MYOM3: variants seen among roughly 807,000 people sequenced by gnomAD.
The protein encoded by MYOM3 is myomesin-3.
In MYOM3, 155 loss-of-function variants were observed where a neutral mutation model predicts 191.7. The ratio of observed to expected loss-of-function variants is 0.81; its 90% CI spans 0.71 to 0.92. MYOM3 has a LOEUF of 0.92. Ranked by LOEUF, MYOM3 falls within the 40% of genes least tolerant of loss-of-function variation. MYOM3 has a pLI of 0.00. For missense variants in MYOM3, 1,889 were observed against 1,890.6 expected, an observed-to-expected ratio of 1.00 and a Z score of 0.02; for synonymous variants, 757 against 762.9, an observed-to-expected ratio of 0.99 and a Z score of 0.13.
At chr1:24,093,248 G>T in intron 9 of MYOM3, 140 bp from the exon 10 acceptor site, 1 of 631,318 alleles carries the variant, frequency 1.6e-6, no homozygotes, top group Non-Finnish European at 2.8e-6. Flanking sequence ...TTGGGTGGGG[G>T]TGGTGGCCTC....
chr1:24,111,648 G>T lies in MYOM3; in HGVS notation c.-19+383C>A, dbSNP rs1380896370. ...GGCCAAGCCGGGCTCAGCCAGCTCC[G>T]CTCTAAGTTCGTGGAACTTGCCAGC... On this transcript the variant is annotated intron_variant, in intron 1 of 36. Coordinates refer to ENST00000374434, the MANE Select transcript of MYOM3 (RefSeq NM_152372.4). The surrounding 1 kb of genome is among the most constrained non-coding windows in gnomAD (Gnocchi z 4.7). Among the ~76,000 whole-genome samples the T allele has an allele frequency of 6.6e-6, 1 of 152,076 alleles. No homozygotes were observed. The highest frequency in any genetic ancestry group is 2.4e-5 in the African/African-American group (1 of 41,398).
chr1:24,068,082 A>G (rs1643475538), intron 26 of MYOM3, 53 bp from the exon 27 acceptor site: 17 of 1,601,938 alleles, frequency 1.1e-5, no homozygotes, highest in Non-Finnish European at 1.5e-5. Context: ...GTGGGTCTGG[A>G]GAGGGGACAT....
rs201323682 is a variant in MYOM3 at position 24,090,898 on chromosome 1, C to T, written c.1331G>A (p.Arg444Gln). 2.4e-4 allele frequency: 381 copies of T among 1,614,054 alleles called. 1 individual carries two copies. In the African/African-American group the frequency reaches 3.0e-3, roughly 13 times the overall value. ...IQGLVEGQSY[R>Q]FRVRAISRVG... ...CCTGCTGATGGCTCTCACCCGGAAC[C>T]GATAGCTCTGACCTTCGACGAGGCC... is the stretch of plus-strand genomic sequence containing the variant. Residue 444 changes from arginine to glutamine, a missense_variant, in exon 12 of 37, where the codon CGG becomes CAG. Coordinates refer to ENST00000374434, the MANE Select transcript of MYOM3 (RefSeq NM_152372.4).
intron 21 of MYOM3, among the ~76,000 whole-genome samples, chr1:24,075,929 G>C (rs1392348731): frequency 6.6e-6 from 1 of 152,214 alleles, no homozygotes; most frequent in Non-Finnish European, 1.5e-5. Flanking sequence ...AGTTGGGAGA[G>C]GTGAGTGATT....
intron 18 of MYOM3, chr1:24,081,737 AT>A: frequency 1.7e-6 from 1 of 584,960 alleles, no homozygotes. Flanking sequence ...TAATTTTTGT[AT>A]TTTTTGTCAA....
chr1:24,090,954 G>T lies in MYOM3; in HGVS notation c.1275C>A (p.Ala425=). The part of the protein sequence containing the change: ...ESGEWIACHE[A]PGGTCRCPIQ... ...TTGGGCACCGACAAGTCCCTCCGGGGGCCTCATGGCAGGCGATCCATTCCC... is the reference window on the plus strand; with the variant it reads ...TTGGGCACCGACAAGTCCCTCCGGGTGCCTCATGGCAGGCGATCCATTCCC... The change falls in exon 12 of 37, where the codon GCC becomes GCA. Residue 425 remains alanine (A), a synonymous_variant. Transcript: ENST00000374434. 1 of 1,614,008 alleles carries T rather than the reference G, an allele frequency of 6.2e-7. No homozygotes were observed. The highest frequency in any genetic ancestry group is 1.3e-5 in the African/African-American group (1 of 75,008).
chr1:24,057,938 T>C (rs111742633), intron 36 of MYOM3, among the ~76,000 whole-genome samples: 7,371 of 152,086 alleles, frequency 0.048, 631 homozygotes, highest in African/African-American at 0.17. Context: ...TCCTGAGTAG[T>C]TGGGGTTACA....
rs1302831678 is a variant in MYOM3, at chr1:24,092,934, C to A, written c.1090+13G>T. The A allele has an allele frequency of 6.5e-7, 1 of 1,539,428 alleles. No individual in the cohort carries two copies. Among genetic ancestry groups the A allele is most frequent in the South Asian group, 1.2e-5 (1 of 81,948 alleles). ...GGCTCCTGCTGCTACCCTGCGCCCACCCATGCCCTCACCTCTCACAAGCAC... is the reference window on the plus strand; with the variant it reads ...GGCTCCTGCTGCTACCCTGCGCCCAACCATGCCCTCACCTCTCACAAGCAC... On this transcript the variant is annotated intron_variant, in intron 10 of 36. Coordinates refer to ENST00000374434, the MANE Select transcript of MYOM3 (RefSeq NM_152372.4).
At chr1:24,061,340 A>G in intron 33 of MYOM3, 31 bp from the exon 34 acceptor site, 1 of 1,611,808 alleles carries the variant, frequency 6.2e-7, no homozygotes, top group Non-Finnish European at 8.5e-7. Flanking sequence ...AATGGGGGCC[A>G]TCAGGGCCTC....
At chr1:24,082,868 T>A in intron 16 of MYOM3, 154 bp from the exon 17 acceptor site, 1 of 852,522 alleles carries the variant, frequency 1.2e-6, no homozygotes, top group Non-Finnish European at 1.7e-6. Flanking sequence ...CTTGATCCCA[T>A]GGCAATGCCT....
In MYOM3 at chr1:24,090,101, C is replaced by T. The variant is rs1384190386; in HGVS notation, c.1450G>A (p.Gly484Arg). ...RRKTEIPFDL[G>R]NKITISTDAF... ...TCTGTGCTGATGGTGATCTTGTTTC[C>T]CAGATCAAAGGGGATCTCTAGGATG... Residue 484 changes from glycine (G) to arginine (R), a missense_variant, in exon 13 of 37, where the codon GGA becomes AGA. Coordinates refer to ENST00000374434, the MANE Select transcript of MYOM3 (RefSeq NM_152372.4). The T allele has an allele frequency of 1.2e-6, 2 of 1,614,054 alleles. No individual in the cohort carries two copies. The highest frequency in any genetic ancestry group is 1.7e-6 in the Non-Finnish European group (2 of 1,179,952).
chr1:24,063,561 G>A lies in MYOM3; in HGVS notation c.3623-31C>T, dbSNP rs1369995354. ...GGGAAACAGAGAGAAGGGTTAGCTGGCATAGGGCTCCCCTAGGGATGTGCT... is the reference window on the plus strand; with the variant it reads ...GGGAAACAGAGAGAAGGGTTAGCTGACATAGGGCTCCCCTAGGGATGTGCT... On this transcript the variant is annotated intron_variant, in intron 30 of 36. Coordinates refer to ENST00000374434, the MANE Select transcript of MYOM3 (RefSeq NM_152372.4). This position sits in a 1 kb window ranked among gnomAD's most constrained non-coding sequence, Gnocchi z 4.5. 3 of 1,613,752 alleles carry A rather than the reference G, an allele frequency of 1.9e-6. No individual in the cohort carries two copies. The South Asian group carries it at 3.3e-5, about 18-fold the overall frequency.
intron 20 of MYOM3, among the ~76,000 whole-genome samples, chr1:24,077,781 A>C (rs1246637355): frequency 6.6e-6 from 1 of 152,152 alleles, no homozygotes; most frequent in Non-Finnish European, 1.5e-5. Flanking sequence ...CCAACTGTCC[A>C]CATGCAGAAG....
intron 8 of MYOM3, 91 bp downstream of exon 8, chr1:24,095,351 G>T: frequency 8.1e-7 from 1 of 1,240,946 alleles, no homozygotes; most frequent in Non-Finnish European, 1.2e-6. Context: ...TATGGGCAGG[G>T]GATGGCTATA....
At chr1:24,103,529 A>G (rs1643957685) in intron 5 of MYOM3, among the ~76,000 whole-genome samples, 1 of 152,226 alleles carries the variant, frequency 6.6e-6, no homozygotes, top group Non-Finnish European at 1.5e-5. Context: ...GCAAAAACTC[A>G]GTTGTATGTA....
intron 7 of MYOM3, 123 bp downstream of exon 7, chr1:24,097,800 A>G (rs1192745168): frequency 5.3e-6 from 4 of 761,160 alleles, no homozygotes; most frequent in African/African-American, 1.7e-5. Context: ...TGGTCACCCA[A>G]TGCCAGGCTG....
chr1:24,088,477 C>T (rs980161047), intron 14 of MYOM3, among the ~76,000 whole-genome samples: 3 of 152,184 alleles, frequency 2.0e-5, no homozygotes, highest in Non-Finnish European at 2.9e-5. Context: ...CCCAAGGTCA[C>T]GCAGCTGGTA....
rs1644013052 is a variant in MYOM3 at position 24,108,462 on chromosome 1, C to T, written c.161+14G>A. ...AACAGGGCAGTGGCTGGGCGGGGAC[C>T]CTGTGGCTCCCACCTGCTGCGGAAG... On this transcript the variant is annotated intron_variant, in intron 2 of 36. Transcript: ENST00000374434. 6.5e-7 allele frequency: 1 copy of T among 1,541,060 alleles called. No individual in the cohort carries two copies. The highest frequency in any genetic ancestry group is 8.8e-7 in the Non-Finnish European group (1 of 1,141,990).
rs1185403279 is a variant in MYOM3, at chr1:24,065,572, G to T, written c.3534+319C>A. ...AAGCTGAGGTCAGAGAGCGACGGGG[G>T]CTAGCCCAAGCCTGCACAGTCATTG... On this transcript the variant is annotated intron_variant, in intron 29 of 36. Transcript: ENST00000374434. Among the ~76,000 whole-genome samples, 4 of 152,306 alleles carry T rather than the reference G, an allele frequency of 2.6e-5. No individual in the cohort carries two copies. The East Asian group carries it at 7.7e-4, about 29-fold the overall frequency.
Sources: allele counts gnomAD v4.1 joint callset (sites outside exome capture counted in the v4.1 genomes callset), GRCh38; gene constraint gnomAD v4.1.1; non-coding constraint Gnocchi (gnomAD v3.1); transcripts MANE v1.5; gene names NCBI Gene and HGNC (gene_info 2026-07-23, HGNC 2026-07-21).